The following GALNT10 variants were observed in gnomAD, a reference collection of about 807,000 sequenced individuals.
GALNT10 encodes GalNAc transferase 10.
Under a neutral mutation model 75.0 loss-of-function variants are expected in GALNT10, and 41 were observed. The ratio of observed to expected loss-of-function variants is 0.55; its 90% CI spans 0.43 to 0.71. The LOEUF (loss-of-function observed/expected upper bound fraction) is 0.71. GALNT10 is among the 30% of genes least tolerant of loss of function. The pLI is 0.00. For synonymous variants in GALNT10, 302 were observed against 313.0 expected, an observed-to-expected ratio of 0.96 and a Z score of 0.37; for missense variants, 727 against 818.5, an observed-to-expected ratio of 0.89 and a Z score of 1.36.
At chr5:154,377,522 G>A (rs537721951) in intron 5 of GALNT10, among the ~76,000 whole-genome samples, 4 of 152,302 alleles carry the variant, frequency 2.6e-5, no homozygotes, top group East Asian at 1.9e-4. Context: ...CAGGAGGCCC[G>A]GGGTGGAGCC....
intron 4 of GALNT10, among the ~76,000 whole-genome samples, chr5:154,342,349 G>A (rs541661724): frequency 5.3e-5 from 8 of 152,302 alleles, no homozygotes; most frequent in Non-Finnish European, 1.0e-4. Context: ...AACCTGGAGT[G>A]TGCCCCTGCG....
chr5:154,214,306 C>T (rs932270531), intron 1 of GALNT10, among the ~76,000 whole-genome samples: 4 of 151,864 alleles, frequency 2.6e-5, no homozygotes, highest in African/African-American at 9.7e-5. Flanking sequence ...GATAACCAAC[C>T]AGAGGGACTT....
At chr5:154,253,002 GT>G (rs373849888) in intron 1 of GALNT10, among the ~76,000 whole-genome samples, 25,997 of 89,842 alleles carry the variant, frequency 0.29, 3,544 homozygotes, top group East Asian at 0.69. Context: ...TTTTTTAGTG[GT>G]TTTTTTTTTT....
In GALNT10 at chr5:154,190,747, C is replaced by CG; in HGVS notation, c.-120_-119insG. On this transcript the variant is annotated 5_prime_UTR_variant, in exon 1 of 12. Transcript: ENST00000297107. ...GAAGTGCCGCGGAGTTGGAGCGGGG[C>CG]CGGCGCCGCAGCCGCTTCTGCTGGC... is the stretch of plus-strand genomic sequence containing the variant. 1 of 297,916 alleles carries CG rather than the reference C, an allele frequency of 3.4e-6. No individual in the cohort carries two copies. Among genetic ancestry groups the CG allele is most frequent in the Non-Finnish European group, 4.9e-6 (1 of 203,556 alleles). 18.5% of individuals were successfully genotyped at this position (297,916 alleles called of 1,614,324 possible).
At position 154,190,817 on chromosome 5, in the gene GALNT10, G is replaced by A. The variant is rs968874454; in HGVS notation, c.-50G>A. Reference sequence around the variant, plus strand: ...GGCGGACGGGCGGACGCGCGGAGCTGGGGGCGGCGCGGCGGGGCCGGCGGG... The same window carrying A: ...GGCGGACGGGCGGACGCGCGGAGCTAGGGGCGGCGCGGCGGGGCCGGCGGG... On this transcript the variant is annotated 5_prime_UTR_variant, in exon 1 of 12. Coordinates refer to ENST00000297107, the MANE Select transcript of GALNT10 (RefSeq NM_198321.4). 1.3e-3 allele frequency: 1,366 copies of A among 1,023,996 alleles called. 2 individuals carry two copies. The highest frequency in any genetic ancestry group is 1.4e-3 in the Non-Finnish European group (1,158 of 843,916). The allele number at this position is 1,023,996 out of a possible 1,614,324, so 63.4% of individuals were successfully genotyped here.
At chr5:154,267,931 T>C (rs1249212267) in intron 1 of GALNT10, among the ~76,000 whole-genome samples, 1 of 152,214 alleles carries the variant, frequency 6.6e-6, no homozygotes, top group African/African-American at 2.4e-5. Context: ...TTGTAGAAAC[T>C]GATTAACAGG....
intron 1 of GALNT10, among the ~76,000 whole-genome samples, chr5:154,214,454 G>T (rs1752833666): frequency 6.6e-6 from 1 of 152,050 alleles, no homozygotes; most frequent in South Asian, 2.1e-4. Flanking sequence ...GAATGATAGA[G>T]CCTAATTTGG....
intron 1 of GALNT10, chr5:154,218,012 T>G: frequency 1.0e-6 from 1 of 985,328 alleles, no homozygotes; most frequent in South Asian, 4.7e-5. Context: ...GTTTCTTCCT[T>G]CTATTTCTCC....
intron 1 of GALNT10, among the ~76,000 whole-genome samples, chr5:154,238,037 C>T (rs1022141212): frequency 1.3e-4 from 20 of 152,172 alleles, no homozygotes; most frequent in Non-Finnish European, 2.6e-4. Context: ...TGCCTGCATA[C>T]CCGGCACAGT....
At chr5:154,411,295 C>G (rs180986390) in intron 9 of GALNT10, among the ~76,000 whole-genome samples, 1 of 152,308 alleles carries the variant, frequency 6.6e-6, no homozygotes, top group East Asian at 1.9e-4. Flanking sequence ...TGGCCTCATG[C>G]TGAAGGTATC....
rs774055519 is a variant in GALNT10 at position 154,191,021 on chromosome 5, G to C, written c.155G>C (p.Gly52Ala). 6.2e-6 allele frequency: 9 copies of C among 1,442,208 alleles called. No homozygotes were observed. The African/African-American group carries it at 1.2e-4, about 19-fold the overall frequency. The allele number at this position is 1,442,208 out of a possible 1,614,324, so 89.3% of individuals were successfully genotyped here. A position where few individuals can be genotyped will look rare whatever the true frequency, so the allele number is the denominator to read the frequency against. ...GGGGCGGCGGTGGCGCCGGCGGCGGGACAGGTGAGTCCCCCCGTTGCTACA... is the reference window on the plus strand; with the variant it reads ...GGGGCGGCGGTGGCGCCGGCGGCGGCACAGGTGAGTCCCCCCGTTGCTACA... ...GSGAAVAPAA[G>A]QGSHSRQKKT... The change falls in exon 1 of 12, where the codon GGA becomes GCA. Residue 52 changes from glycine (G) to alanine (A), a missense_variant. Transcript: ENST00000297107.
rs1260638089 is a variant in GALNT10 at position 154,287,940 on chromosome 5, GTGTGCA to G, written c.160-6871_160-6866del. ...AGAGAGAGAGAGAGAGTGTGCATGT[GTGTGCA>G]TGTGTGTGTGTGTGAGAGAGAGAGA... On this transcript the variant is annotated intron_variant, in intron 1 of 11. Coordinates refer to ENST00000297107, the MANE Select transcript of GALNT10 (RefSeq NM_198321.4). Among the ~76,000 whole-genome samples the G allele has an allele frequency of 6.4e-5, 8 of 124,756 alleles. No individual in the cohort carries two copies. In the East Asian group the frequency reaches 1.0e-3, roughly 16 times the overall value. 81.8% of individuals were successfully genotyped at this position (124,756 alleles called of 152,430 possible).
intron 8 of GALNT10, among the ~76,000 whole-genome samples, chr5:154,408,251 C>G (rs1345864352): frequency 1.3e-5 from 2 of 152,304 alleles, no homozygotes; most frequent in East Asian, 3.9e-4. Flanking sequence ...GCCTGACCTT[C>G]TGCTCCTAGA....
intron 4 of GALNT10, among the ~76,000 whole-genome samples, chr5:154,358,952 G>C (rs1011147262): frequency 6.6e-6 from 1 of 152,140 alleles, no homozygotes; most frequent in African/African-American, 2.4e-5. Flanking sequence ...TCAGAGTGTT[G>C]TATTATTTTT....
chr5:154,217,531 C>G (rs1400165863), intron 1 of GALNT10, among the ~76,000 whole-genome samples: 2 of 152,154 alleles, frequency 1.3e-5, no homozygotes, highest in Non-Finnish European at 2.9e-5. Flanking sequence ...TACCGCGTCC[C>G]TGTCTCGTCT....
chr5:154,243,671 G>A (rs575594433), intron 1 of GALNT10, among the ~76,000 whole-genome samples: 1 of 152,310 alleles, frequency 6.6e-6, no homozygotes, highest in South Asian at 2.1e-4. Context: ...GTAGTTAATA[G>A]AATTAATTCT....
chr5:154,199,780 G>C (rs189811393), intron 1 of GALNT10, among the ~76,000 whole-genome samples: 3 of 152,302 alleles, frequency 2.0e-5, no homozygotes, highest in African/African-American at 4.8e-5. Context: ...AGAGGAGAGA[G>C]TGTGGAGTTG....
chr5:154,287,424 C>T (rs771391221), intron 1 of GALNT10: 4 of 152,230 alleles, frequency 2.6e-5, no homozygotes, highest in Non-Finnish European at 5.9e-5. Context: ...AACCCCCACC[C>T]CTCAACTGCT....
intron 1 of GALNT10, among the ~76,000 whole-genome samples, chr5:154,257,127 A>G (rs1182188848): frequency 6.6e-6 from 1 of 152,118 alleles, no homozygotes; most frequent in East Asian, 1.9e-4. Context: ...TAAAAAATAA[A>G]TGAAAATAAA....
Sources: allele counts gnomAD v4.1 joint callset (sites outside exome capture counted in the v4.1 genomes callset), GRCh38; gene constraint gnomAD v4.1.1; transcripts MANE v1.5; gene names NCBI Gene and HGNC (gene_info 2026-07-23, HGNC 2026-07-21).